FER: variants seen among roughly 807,000 people sequenced by gnomAD.
The protein encoded by FER is FER tyrosine kinase, also known as tyrosine-protein kinase Fer.
A neutral mutation model predicts 111.0 loss-of-function variants in FER; 63 were observed. The ratio of observed to expected loss-of-function variants is 0.57; its 90% CI spans 0.46 to 0.70. The LOEUF (loss-of-function observed/expected upper bound fraction) is 0.70. Among genes scored for constraint, FER ranks in the 30% least tolerant of loss-of-function variants. The probability of loss-of-function intolerance (pLI) is 0.00; values close to 1 mark genes in which losing one functional copy is unlikely to be tolerated. For missense variants in FER, 914 were observed against 954.0 expected (o/e 0.96, Z 0.55); for synonymous variants, 327 against 313.9 (o/e 1.04, Z -0.44).
intron 13 of FER, among the ~76,000 whole-genome samples, chr5:108,999,338 C>T (rs2149774521): frequency 6.6e-6 from 1 of 152,250 alleles, no homozygotes; most frequent in African/African-American, 2.4e-5. Flanking sequence ...AAATTATATT[C>T]ACCTGTATGG....
intron 17 of FER, among the ~76,000 whole-genome samples, chr5:109,149,212 G>A (rs981441063): frequency 4.6e-5 from 7 of 152,040 alleles, no homozygotes; most frequent in African/African-American, 1.7e-4. Context: ...TAAATTTGAG[G>A]CCTCTCTTAA....
At chr5:109,108,374 GATGATC>G (rs1260237959) in intron 17 of FER, among the ~76,000 whole-genome samples, 2 of 152,164 alleles carry the variant, frequency 1.3e-5, no homozygotes, top group Non-Finnish European at 2.9e-5. Flanking sequence ...CTTTTGTGAA[GATGATC>G]AGCCATATGG....
intron 10 of FER, among the ~76,000 whole-genome samples, chr5:108,900,019 A>G (rs1240913677): frequency 6.6e-6 from 1 of 152,212 alleles, no homozygotes; most frequent in Non-Finnish European, 1.5e-5. Context: ...GGTGCTGCAT[A>G]TTTCATTTTA....
chr5:108,751,635 C>T (rs1750523398), intron 1 of FER, among the ~76,000 whole-genome samples: 1 of 152,052 alleles, frequency 6.6e-6, no homozygotes. Flanking sequence ...TATGTCTGTT[C>T]ATTTGGAATA....
chr5:109,027,332 A>T (rs1387476513), intron 13 of FER, among the ~76,000 whole-genome samples: 2 of 152,176 alleles, frequency 1.3e-5, no homozygotes, highest in Non-Finnish European at 2.9e-5. Flanking sequence ...TTTATCAAAA[A>T]CAATGATTTA....
intron 17 of FER, among the ~76,000 whole-genome samples, chr5:109,142,943 G>C (rs766580093): frequency 3.9e-4 from 60 of 152,230 alleles, no homozygotes; most frequent in Admixed American, 1.1e-3. Flanking sequence ...TAGGGAGATT[G>C]ATGGTCAGCC....
intron 13 of FER, among the ~76,000 whole-genome samples, chr5:108,968,773 T>C (rs1760231042): frequency 6.6e-6 from 1 of 152,044 alleles, no homozygotes; most frequent in Non-Finnish European, 1.5e-5. Context: ...AAAATACTTG[T>C]TAATATAATC....
intron 17 of FER, among the ~76,000 whole-genome samples, chr5:109,170,033 C>T (rs780185410): frequency 2.0e-5 from 3 of 152,108 alleles, no homozygotes; most frequent in East Asian, 1.9e-4. Flanking sequence ...TTTAAATGTT[C>T]TTGAGGCTCA....
chr5:108,979,600 A>G (rs1242073487), intron 13 of FER, among the ~76,000 whole-genome samples: 1 of 152,182 alleles, frequency 6.6e-6, no homozygotes, highest in Non-Finnish European at 1.5e-5. Context: ...TGCTAAGTAT[A>G]TCATTAAATG....
chr5:108,762,414 C>T (rs1402192227), intron 1 of FER, among the ~76,000 whole-genome samples: 4 of 152,198 alleles, frequency 2.6e-5, no homozygotes, highest in Non-Finnish European at 5.9e-5. Context: ...CTTCTATCAT[C>T]CTGGTTCGGC....
chr5:108,794,526 A>ACCCCCCCCCCCCCCCC (rs138716410), intron 2 of FER, among the ~76,000 whole-genome samples: 6 of 106,348 alleles, frequency 5.6e-5, no homozygotes, highest in African/African-American at 1.1e-4. Flanking sequence ...CCCCCTCCGC[A>ACCCCCCCCCCCCCCCC]CCCCCCCCCC....
At chr5:108,797,063 C>G (rs191179626) in intron 2 of FER, among the ~76,000 whole-genome samples, 3 of 152,072 alleles carry the variant, frequency 2.0e-5, no homozygotes, top group Admixed American at 2.0e-4. Context: ...ATTCAGGGAC[C>G]AGAGGCTCTT....
chr5:109,115,653 T>G (rs530675893), intron 17 of FER, among the ~76,000 whole-genome samples: 62 of 151,326 alleles, frequency 4.1e-4, no homozygotes, highest in African/African-American at 1.5e-3. Flanking sequence ...TTTGTGCAGT[T>G]TTTGTTTGTT....
intron 3 of FER, among the ~76,000 whole-genome samples, chr5:108,828,085 C>T (rs779987947): frequency 9.9e-5 from 15 of 151,946 alleles, no homozygotes; most frequent in African/African-American, 2.2e-4. Context: ...GCCCAGGCTA[C>T]TCTCGAGCTC....
intron 1 of FER, among the ~76,000 whole-genome samples, chr5:108,751,062 C>T (rs981646768): frequency 6.6e-6 from 1 of 152,044 alleles, no homozygotes; most frequent in Non-Finnish European, 1.5e-5. Flanking sequence ...CATGGTGGTG[C>T]ATGCCTGTAA....
chr5:109,114,340 TAGAA>T, intron 17 of FER, among the ~76,000 whole-genome samples: 1 of 152,262 alleles, frequency 6.6e-6, no homozygotes, highest in South Asian at 2.1e-4. Flanking sequence ...GATGTTTGAG[TAGAA>T]AGAAGTAAAC....
At chr5:108,982,112 T>C (rs1419916012) in intron 13 of FER, among the ~76,000 whole-genome samples, 1 of 152,038 alleles carries the variant, frequency 6.6e-6, no homozygotes, top group Non-Finnish European at 1.5e-5. Context: ...AATGCAAATT[T>C]TCTGACTCCA....
chr5:108,968,405 A>G (rs1760185818), intron 13 of FER, among the ~76,000 whole-genome samples: 1 of 152,152 alleles, frequency 6.6e-6, no homozygotes, highest in South Asian at 2.1e-4. Context: ...AAGAAAAAAA[A>G]TTACCTGCTG....
chr5:109,187,708 G>A lies in FER; in HGVS notation c.*133G>A. ...TACCATTATTTTTTATTAACTGGGT[G>A]TTTTAAAAGTACGTTCCACTTGTAA... is the stretch of plus-strand genomic sequence containing the variant. On this transcript the variant is annotated 3_prime_UTR_variant, in exon 20 of 20. Transcript: ENST00000281092. 1.7e-6 allele frequency: 2 copies of A among 1,143,250 alleles called. No individual in the cohort carries two copies. Among genetic ancestry groups the A allele is most frequent in the Non-Finnish European group, 2.4e-6 (2 of 817,550 alleles). 70.8% of individuals were successfully genotyped at this position (1,143,250 alleles called of 1,614,324 possible). A position where few individuals can be genotyped will look rare whatever the true frequency, so the allele number is the denominator to read the frequency against.
Sources: gnomAD v4.1 joint callset for allele counts (sites outside exome capture counted in the v4.1 genomes callset) on GRCh38, gnomAD v4.1.1 for gene constraint, MANE v1.5 for transcripts, NCBI Gene and HGNC (gene_info 2026-07-23, HGNC 2026-07-21) for gene names.